Variants in ITGB3BP observed in about 807,000 individuals in gnomAD.
The protein encoded by ITGB3BP is centromere protein R.
In ITGB3BP, 27 loss-of-function variants were observed where a neutral mutation model predicts 29.1. The ratio of observed to expected loss-of-function variants is 0.93; its 90% CI spans 0.68 to 1.28. The LOEUF (loss-of-function observed/expected upper bound fraction) is 1.28, where lower values mean the gene tolerates loss of function less well. ITGB3BP is among the 50% of genes most tolerant of loss of function. The pLI is 0.00. For synonymous variants in ITGB3BP, 61 were observed against 61.4 expected, an observed-to-expected ratio of 0.99 and a Z score of 0.03; for missense variants, 192 against 200.2, an observed-to-expected ratio of 0.96 and a Z score of 0.25.
intron 7 of ITGB3BP, among the ~76,000 whole-genome samples, chr1:63,450,743 G>A (rs1221049751): frequency 6.6e-6 from 1 of 151,760 alleles, no homozygotes; most frequent in African/African-American, 2.4e-5. Context: ...GCAAAATTAG[G>A]CTTATTTCCT....
chr1:63,481,941 G>A (rs928037271), intron 3 of ITGB3BP, among the ~76,000 whole-genome samples: 2 of 152,118 alleles, frequency 1.3e-5, no homozygotes, highest in African/African-American at 4.8e-5. Flanking sequence ...ACATTTAGCT[G>A]AAGACTGTGC....
chr1:63,489,352 G>C (rs1186915666), intron 3 of ITGB3BP, among the ~76,000 whole-genome samples: 2 of 150,290 alleles, frequency 1.3e-5, no homozygotes, highest in Non-Finnish European at 3.0e-5. Flanking sequence ...TATTAAATTT[G>C]AGCCTATTTA....
At chr1:63,480,636 AAAAAC>A (rs1300919772) in intron 3 of ITGB3BP, among the ~76,000 whole-genome samples, 5 of 152,084 alleles carry the variant, frequency 3.3e-5, no homozygotes, top group Admixed American at 3.3e-4. Flanking sequence ...CTTCCTCAAA[AAAAAC>A]AAAACAAAAA....
At chr1:63,488,775 C>A (rs1460591249) in intron 3 of ITGB3BP, among the ~76,000 whole-genome samples, 1 of 151,968 alleles carries the variant, frequency 6.6e-6, no homozygotes, top group Non-Finnish European at 1.5e-5. Context: ...ATCAGTGTAA[C>A]CACTATGTAG....
At chr1:63,465,542 C>G (rs2100554887) in intron 4 of ITGB3BP, among the ~76,000 whole-genome samples, 1 of 151,662 alleles carries the variant, frequency 6.6e-6, no homozygotes, top group African/African-American at 2.4e-5. Context: ...CAAGCATGTA[C>G]CACCCAGGCT....
At chr1:63,447,435 G>A (rs1342423308) in intron 7 of ITGB3BP, 8 of 386,468 alleles carry the variant, frequency 2.1e-5, no homozygotes, top group Non-Finnish European at 3.5e-5. Flanking sequence ...AAGACTTTTT[G>A]TTTGTCTGCC....
intron 2 of ITGB3BP, among the ~76,000 whole-genome samples, chr1:63,505,536 T>G (rs1646055590): frequency 6.6e-6 from 1 of 152,192 alleles, no homozygotes. Context: ...ATCTTAGGTA[T>G]TTCTTGCCTT....
chr1:63,444,857 A>C (rs916130812), intron 8 of ITGB3BP, among the ~76,000 whole-genome samples: 1 of 152,042 alleles, frequency 6.6e-6, no homozygotes, highest in Admixed American at 6.6e-5. Flanking sequence ...TTCTGGGACA[A>C]GGTACTTAAC....
intron 4 of ITGB3BP, among the ~76,000 whole-genome samples, chr1:63,471,871 G>T (rs183262129): frequency 6.6e-6 from 1 of 151,190 alleles, no homozygotes; most frequent in Admixed American, 6.6e-5. Context: ...TGCAAGCTCC[G>T]CCTCCTGGGT....
chr1:63,445,353 G>A (rs1644777882), intron 8 of ITGB3BP, among the ~76,000 whole-genome samples: 1 of 147,950 alleles, frequency 6.8e-6, no homozygotes, highest in South Asian at 2.1e-4. Flanking sequence ...ATTACTCACT[G>A]CAAACAACAG....
intron 2 of ITGB3BP, among the ~76,000 whole-genome samples, chr1:63,496,696 A>C (rs913971546): frequency 2.0e-5 from 3 of 152,118 alleles, no homozygotes; most frequent in African/African-American, 7.2e-5. Context: ...TATCTCATTT[A>C]TGTCAATAAG....
At chr1:63,520,612 T>A (rs1646424207) in intron 1 of ITGB3BP, among the ~76,000 whole-genome samples, 1 of 152,146 alleles carries the variant, frequency 6.6e-6, no homozygotes, top group Non-Finnish European at 1.5e-5. Flanking sequence ...ACATACTAAA[T>A]GAATAAATGT....
chr1:63,509,186 T>A (rs1646145332), intron 1 of ITGB3BP, among the ~76,000 whole-genome samples: 1 of 152,216 alleles, frequency 6.6e-6, no homozygotes, highest in Non-Finnish European at 1.5e-5. Context: ...AGGCTCTCTG[T>A]GTGCAAAATC....
intron 2 of ITGB3BP, among the ~76,000 whole-genome samples, chr1:63,498,184 G>A (rs556810484): frequency 2.6e-4 from 39 of 152,086 alleles, no homozygotes; most frequent in African/African-American, 9.2e-4. Flanking sequence ...CAGAAAATTT[G>A]AATAAAACTA....
chr1:63,527,421 TC>T (rs1557667904), upstream of ITGB3BP, among the ~76,000 whole-genome samples: 1 of 110,542 alleles, frequency 9.0e-6, no homozygotes, highest in Non-Finnish European at 1.8e-5. Flanking sequence ...ACACCTTTCA[TC>T]TATATCCTTC....
intron 1 of ITGB3BP, among the ~76,000 whole-genome samples, chr1:63,515,001 TTGA>T (rs1012943294): frequency 1.3e-5 from 2 of 152,054 alleles, no homozygotes; most frequent in African/African-American, 4.8e-5. Context: ...ACGGTATCTC[TTGA>T]TGAGCAAAAG....
At chr1:63,511,047 A>G (rs1646189376) in intron 1 of ITGB3BP, among the ~76,000 whole-genome samples, 1 of 152,172 alleles carries the variant, frequency 6.6e-6, no homozygotes, top group Admixed American at 6.5e-5. Context: ...GTAGTTCTGT[A>G]AAGTTATAAG....
At chr1:63,495,487 C>A (rs963495671) in intron 2 of ITGB3BP, among the ~76,000 whole-genome samples, 1 of 152,134 alleles carries the variant, frequency 6.6e-6, no homozygotes, top group African/African-American at 2.4e-5. Context: ...TTTTGCTGCT[C>A]CCCAGCTATG....
chr1:63,462,414 T>C (rs1196681407), intron 4 of ITGB3BP, among the ~76,000 whole-genome samples: 1 of 152,218 alleles, frequency 6.6e-6, no homozygotes, highest in African/African-American at 2.4e-5. Context: ...TGTCTTCAAA[T>C]AAAGATTGTT....
Sources: gnomAD v4.1 joint callset for allele counts (sites outside exome capture counted in the v4.1 genomes callset) on GRCh38, gnomAD v4.1.1 for gene constraint, MANE v1.5 for transcripts, NCBI Gene and HGNC (gene_info 2026-07-23, HGNC 2026-07-21) for gene names.